The following TERT variants were observed in gnomAD, a reference collection of about 807,000 sequenced individuals.
TERT encodes telomerase catalytic subunit.
A neutral mutation model predicts 104.0 loss-of-function variants in TERT; 42 were observed. That is an observed-to-expected ratio of 0.40 (90% confidence interval 0.32 to 0.52). TERT has a LOEUF of 0.52. TERT is among the 20% of genes least tolerant of loss of function. The pLI is 0.43. For synonymous variants in TERT, 781 were observed against 725.6 expected (o/e 1.08, Z -1.23); for missense variants, 1,101 against 1,610.3 (o/e 0.68, Z 5.41).
chr5:1,285,848 G>A (rs1250293504), intron 2 of TERT, among the ~76,000 whole-genome samples: 1 of 151,896 alleles, frequency 6.6e-6, no homozygotes, highest in Non-Finnish European at 1.5e-5. Context: ...GATTACAGGC[G>A]TGAGCCACCG....
Position 1,280,165 on chromosome 5 carries a change from T to C in TERT, c.1943A>G (p.Glu648Gly). The C allele has an allele frequency of 6.2e-7, 1 of 1,614,102 alleles. No individual in the cohort carries two copies. The highest frequency in any genetic ancestry group is 1.3e-5 in the African/African-American group (1 of 75,064). The change falls in exon 4 of 16, where the codon GAA becomes GGA. Residue 648 changes from glutamate to glycine, a missense_variant. By Grantham distance (98) the Glu-to-Gly change is moderately conservative. Coordinates refer to ENST00000310581, the MANE Select transcript of TERT (RefSeq NM_198253.3). ...YVVGARTFRR[E>G]KRAERLTSRV... ...AAACCAAAGCACAGCCACCCTCTTT[T>C]CTCTGCGGAACGTTCTGGCTCCCAC...
chr5:1,277,528 G>A (rs1225736229), intron 6 of TERT, among the ~76,000 whole-genome samples: 3 of 151,996 alleles, frequency 2.0e-5, no homozygotes, highest in African/African-American at 4.8e-5. Context: ...CATGGAGACC[G>A]GGAGAGGGAG....
chr5:1,276,841 T>A (rs965651061), intron 6 of TERT, among the ~76,000 whole-genome samples: 1 of 152,204 alleles, frequency 6.6e-6, no homozygotes, highest in African/African-American at 2.4e-5. Context: ...GCTGATAAAG[T>A]GGACTGCGTT....
chr5:1,260,323 T>A (rs1748132943), intron 12 of TERT, 151 bp downstream of exon 12: 1 of 1,270,570 alleles, frequency 7.9e-7, no homozygotes, highest in African/African-American at 1.5e-5. Context: ...CATGCACACA[T>A]GTATGTGCTC....
rs1449352923 is a variant in TERT, at chr5:1,265,329, T to A, written c.2655-737A>T. ...TCGGCCAGCTGCGCAGCTCCCCTGG[T>A]GCATTCCCAGCTCCCTGTGGCCACC... On this transcript the variant is annotated intron_variant, in intron 10 of 15. Transcript: ENST00000310581. The surrounding 1 kb of genome is among the most constrained non-coding windows in gnomAD (Gnocchi z 6.9). 6.6e-6 allele frequency among the ~76,000 whole-genome samples: 1 copy of A among 152,078 alleles called. No individual in the cohort carries two copies. The highest frequency in any genetic ancestry group is 1.5e-5 in the Non-Finnish European group (1 of 68,006).
intron 13 of TERT, 144 bp downstream of exon 13, chr5:1,258,454 T>C: frequency 1.0e-5 from 8 of 772,086 alleles, no homozygotes; most frequent in South Asian, 8.8e-5. Context: ...AACAGAACTG[T>C]GCACAGGCAG....
In TERT at chr5:1,274,223, G is replaced by A. The variant is rs1749372814; in HGVS notation, c.2287-1943C>T. Reference sequence around the variant, plus strand: ...ACCACATCGAGTACGATTCAACCCTGAGAACCAACCTGGAAGGCAGTAACA... The same window carrying A: ...ACCACATCGAGTACGATTCAACCCTAAGAACCAACCTGGAAGGCAGTAACA... On this transcript the variant is annotated intron_variant, in intron 6 of 15. Transcript: ENST00000310581. The surrounding 1 kb of genome is among the most constrained non-coding windows in gnomAD (Gnocchi z 5.3). Among the ~76,000 whole-genome samples the A allele has an allele frequency of 6.6e-6, 1 of 152,192 alleles. No individual in the cohort carries two copies. The highest frequency in any genetic ancestry group is 2.1e-4 in the South Asian group (1 of 4,830).
Position 1,270,496 on chromosome 5 carries a change from C to T in TERT, c.2468+623G>A, listed in dbSNP as rs2126612149. 6.6e-6 allele frequency among the ~76,000 whole-genome samples: 1 copy of T among 152,292 alleles called. No individual in the cohort carries two copies. On this transcript the variant is annotated intron_variant, in intron 8 of 15. Transcript: ENST00000310581. This position sits in a 1 kb window ranked among gnomAD's most constrained non-coding sequence, Gnocchi z 8.3. Reference sequence around the variant, plus strand: ...AAATCCAGAGGACGTGATGTGGCACCAGGCACTGTGGCTCTACCACCGTGA... The same window carrying T: ...AAATCCAGAGGACGTGATGTGGCACTAGGCACTGTGGCTCTACCACCGTGA...
rs911135862 is a variant in TERT, at chr5:1,270,915, G to T, written c.2468+204C>A. On this transcript the variant is annotated intron_variant, in intron 8 of 15. Transcript: ENST00000310581. The surrounding 1 kb of genome is among the most constrained non-coding windows in gnomAD (Gnocchi z 8.3). The stretch of plus-strand genomic sequence containing the variant: ...CCAGGCCTCGTGTGGCACCTGCTCC[G>T]CTCCGGCTGCCGCAAGCCGAGCCAT... Among the ~76,000 whole-genome samples the T allele has an allele frequency of 1.3e-5, 2 of 152,190 alleles. No individual in the cohort carries two copies. The highest frequency in any genetic ancestry group is 2.9e-5 in the Non-Finnish European group (2 of 68,028).
rs1214390391 is a variant in TERT, at chr5:1,261,769, T to C, written c.2844-1169A>G. Among the ~76,000 whole-genome samples the C allele has an allele frequency of 6.6e-6, 1 of 152,170 alleles. No homozygotes were observed. Among genetic ancestry groups the C allele is most frequent in the Non-Finnish European group, 1.5e-5 (1 of 68,024 alleles). On this transcript the variant is annotated intron_variant, in intron 11 of 15. Transcript: ENST00000310581. The surrounding 1 kb of genome is among the most constrained non-coding windows in gnomAD (Gnocchi z 7.4). ...TGGGCTCCGGCTCACCCTGAGCCTA[T>C]GGGTCTGACTTGTGTGGGGTCCTCG...
chr5:1,253,462 TG>T lies in TERT; in HGVS notation c.*265del. Reference sequence around the variant, plus strand: ...GCTCCTGGTGAGGAAAAGCTGGCCCTGGGGTGGAGCCGAGCGCCAGCCTGTG... The same window carrying T: ...GCTCCTGGTGAGGAAAAGCTGGCCCTGGGTGGAGCCGAGCGCCAGCCTGTG... On this transcript the variant is annotated 3_prime_UTR_variant, in exon 16 of 16. Transcript: ENST00000310581. 1 of 573,674 alleles carries T rather than the reference TG, an allele frequency of 1.7e-6. No individual in the cohort carries two copies. Among genetic ancestry groups the T allele is most frequent in the African/African-American group, 1.9e-5 (1 of 53,538 alleles). 35.5% of individuals were successfully genotyped at this position (573,674 alleles called of 1,614,324 possible).
In TERT at chr5:1,253,538, C is replaced by T. The variant is rs974901117; in HGVS notation, c.*190G>A. 2 of 622,884 alleles carry T rather than the reference C, an allele frequency of 3.2e-6. No homozygotes were observed. The highest frequency in any genetic ancestry group is 3.6e-5 in the African/African-American group (2 of 55,012). The allele number at this position is 622,884 out of a possible 1,614,324, so 38.6% of individuals were successfully genotyped here. On this transcript the variant is annotated 3_prime_UTR_variant, in exon 16 of 16. Transcript: ENST00000310581. Reference sequence around the variant, plus strand: ...TGGACACTCAGCCCTTGGCTGGACACTCGCTCAGGCCTCAGCCGGACACTC... The same window carrying T: ...TGGACACTCAGCCCTTGGCTGGACATTCGCTCAGGCCTCAGCCGGACACTC...
intron 3 of TERT, among the ~76,000 whole-genome samples, chr5:1,281,664 T>C (rs1750028285): frequency 6.6e-6 from 1 of 152,214 alleles, no homozygotes; most frequent in Non-Finnish European, 1.5e-5. Context: ...TAGCTCATGG[T>C]GGAACTCTCC....
intron 12 of TERT, among the ~76,000 whole-genome samples, 175 bp downstream of exon 12, chr5:1,260,298 GC>G (rs1489163691): frequency 6.6e-6 from 1 of 152,236 alleles, no homozygotes; most frequent in African/African-American, 2.4e-5. Flanking sequence ...ACACTGCCAT[GC>G]CTTCATGTAC....
In TERT at chr5:1,280,213, G is replaced by A. The variant is rs1749925286; in HGVS notation, c.1895C>T (p.Pro632Leu). The change falls in exon 4 of 16, where the codon CCG becomes CTG. Residue 632 changes from proline to leucine, a missense_variant. Pro to Leu is a moderately conservative substitution (Grantham distance 98). Transcript: ENST00000310581. ...RFIPKPDGLR[P>L]IVNMDYVVGA... ...CACGACGTAGTCCATGTTCACAATCGGCCGCAGCCCGTCAGGCTTGGGGAT... is the reference window on the plus strand; with the variant it reads ...CACGACGTAGTCCATGTTCACAATCAGCCGCAGCCCGTCAGGCTTGGGGAT... The A allele has an allele frequency of 6.2e-7, 1 of 1,614,010 alleles. No individual in the cohort carries two copies. Among genetic ancestry groups the A allele is most frequent in the Non-Finnish European group, 8.5e-7 (1 of 1,180,036 alleles).
rs878855302 is a variant in TERT, at chr5:1,260,549, C to T, written c.2895G>A (p.Lys965=). The change falls in exon 12 of 16, where the codon AAG becomes AAA. Residue 965 remains lysine (K), a synonymous_variant. Transcript: ENST00000310581. ...RASLTFNRGF[K]AGRNMRRKLF... ...GTTTGCGACGCATGTTCCTCCCAGC[C>T]TTGAAGCCGCGGTTGAAGGTGAGAC... 6.2e-7 allele frequency: 1 copy of T among 1,614,196 alleles called. No individual in the cohort carries two copies. The highest frequency in any genetic ancestry group is 1.3e-5 in the African/African-American group (1 of 75,056).
rs1747754816 is a variant in TERT, at chr5:1,256,583, C to T, written c.3033-1172G>A. On this transcript the variant is annotated intron_variant, in intron 13 of 15. Transcript: ENST00000310581. The surrounding 1 kb of genome is among the most constrained non-coding windows in gnomAD (Gnocchi z 7.0). ...TGCCTGAGCCCCCCATGTACCTGGT[C>T]TCACTGACTTCCTGAGCCACTTCTG... Among the ~76,000 whole-genome samples the T allele has an allele frequency of 6.6e-6, 1 of 151,952 alleles. No individual in the cohort carries two copies. Among genetic ancestry groups the T allele is most frequent in the Non-Finnish European group, 1.5e-5 (1 of 67,998 alleles).
rs1060504787 is a variant in TERT at position 1,255,354 on chromosome 5, T to C, written c.3090A>G (p.Thr1030=). Residue 1030 remains threonine, a synonymous_variant, in exon 14 of 16, where the codon ACA becomes ACG. Transcript: ENST00000310581. This position sits in a 1 kb window ranked among gnomAD's most constrained non-coding sequence, Gnocchi z 6.9. ...TGTCAGAGATGACGCGCAGGAAAAA[T>C]GTGGGGTTCTTCCAAACTTGCTGAT... ...PFHQQVWKNP[T]FFLRVISDTA... 2 of 1,613,914 alleles carry C rather than the reference T, an allele frequency of 1.2e-6. No homozygotes were observed. Among genetic ancestry groups the C allele is most frequent in the Non-Finnish European group, 8.5e-7 (1 of 1,179,992 alleles).
At chr5:1,258,082 G>A (rs1290930023) in intron 13 of TERT, among the ~76,000 whole-genome samples, 1 of 152,216 alleles carries the variant, frequency 6.6e-6, no homozygotes, top group African/African-American at 2.4e-5. Flanking sequence ...GACAGGGAAC[G>A]TTCCAGGAGC....
Sources: gnomAD v4.1 joint callset for allele counts (sites outside exome capture counted in the v4.1 genomes callset) on GRCh38, gnomAD v4.1.1 for gene constraint, Gnocchi (gnomAD v3.1) non-coding constraint, MANE v1.5 for transcripts, NCBI Gene and HGNC (gene_info 2026-07-23, HGNC 2026-07-21) for gene names.